SHROOM3: variants seen among roughly 807,000 people sequenced by gnomAD.
The protein encoded by SHROOM3 is shroom family member 3, also known as protein Shroom3.
Under a neutral mutation model 138.6 loss-of-function variants are expected in SHROOM3, and 47 were observed. The observed-to-expected ratio is 0.34, with a 90% CI of 0.27 to 0.43. The LOEUF (loss-of-function observed/expected upper bound fraction) is 0.43, where lower values mean the gene tolerates loss of function less well. SHROOM3 is among the 20% of genes least tolerant of loss of function. SHROOM3 has a pLI of 1.00. For missense variants in SHROOM3, 2,491 were observed against 2,596.5 expected (o/e 0.96, Z 0.88); for synonymous variants, 1,062 against 1,063.3 (o/e 1.00, Z 0.02).
At chr4:76,593,895 T>C (rs2110050585) in intron 2 of SHROOM3, among the ~76,000 whole-genome samples, 1 of 152,294 alleles carries the variant, frequency 6.6e-6, no homozygotes, top group African/African-American at 2.4e-5. Context: ...TGTGTTCCTG[T>C]TTGCAGTTTC....
intron 2 of SHROOM3, among the ~76,000 whole-genome samples, chr4:76,634,646 T>C (rs1453531437): frequency 6.6e-6 from 1 of 152,200 alleles, no homozygotes; most frequent in African/African-American, 2.4e-5. Flanking sequence ...TCATCAGTAG[T>C]GTTGCAAAAA....
intron 2 of SHROOM3, among the ~76,000 whole-genome samples, chr4:76,683,062 T>A (rs1190412841): frequency 3.9e-5 from 6 of 152,214 alleles, no homozygotes; most frequent in Non-Finnish European, 7.3e-5. Flanking sequence ...GCCCTTGTTT[T>A]ACCACATTAC....
At chr4:76,763,384 C>T (rs1254154491) in intron 9 of SHROOM3, among the ~76,000 whole-genome samples, 1 of 150,314 alleles carries the variant, frequency 6.7e-6, no homozygotes, top group East Asian at 1.9e-4. Flanking sequence ...GAGACTCCAT[C>T]TCAAAAAAAA....
At chr4:76,493,836 G>A (rs1445878150) in intron 1 of SHROOM3, among the ~76,000 whole-genome samples, 4 of 152,054 alleles carry the variant, frequency 2.6e-5, no homozygotes, top group Non-Finnish European at 4.4e-5. Flanking sequence ...AAAATTAGCC[G>A]GGCATGGTGG....
intron 2 of SHROOM3, among the ~76,000 whole-genome samples, chr4:76,604,505 ATCTAAGTTG>A (rs1446079386): frequency 6.6e-6 from 1 of 152,210 alleles, no homozygotes; most frequent in Non-Finnish European, 1.5e-5. Flanking sequence ...TTAGTGTGGT[ATCTAAGTTG>A]TCTGTGTGTT....
At chr4:76,561,563 CAAA>C (rs1733596103) in intron 2 of SHROOM3, among the ~76,000 whole-genome samples, 1 of 151,250 alleles carries the variant, frequency 6.6e-6, no homozygotes, top group African/African-American at 2.4e-5. Context: ...TACTAGTGGC[CAAA>C]ATAAGAGTCT....
At chr4:76,731,034 A>G (rs1720865501) in intron 4 of SHROOM3, 99 bp downstream of exon 4, 1 of 1,481,000 alleles carries the variant, frequency 6.8e-7, no homozygotes, top group Non-Finnish European at 9.4e-7. Flanking sequence ...GTTTTTTCTT[A>G]TACTCACACT....
rs116825397 is a variant in SHROOM3 at position 76,592,259 on chromosome 4, G to C, written c.323+36496G>C. On this transcript the variant is annotated intron_variant, in intron 2 of 10. Coordinates refer to ENST00000296043, the MANE Select transcript of SHROOM3 (RefSeq NM_020859.4). ...GGAGCAGAATGTGGCGGGGCAGAGA[G>C]ACAGTGGGTCACTGGGAGGCAGTTA... Among the ~76,000 whole-genome samples the C allele has an allele frequency of 7.7e-3, 1,164 of 152,116 alleles. 13 individuals are homozygous for C. Among genetic ancestry groups the C allele is most frequent in the African/African-American group, 0.027 (1,125 of 41,486 alleles).
chr4:76,577,499 T>C (rs780469526), intron 2 of SHROOM3, among the ~76,000 whole-genome samples: 14 of 152,174 alleles, frequency 9.2e-5, no homozygotes, highest in Non-Finnish European at 1.9e-4. Context: ...TATTGGAAGA[T>C]GGTGGGGCTG....
intron 2 of SHROOM3, among the ~76,000 whole-genome samples, chr4:76,576,506 G>A (rs1733943189): frequency 6.6e-6 from 1 of 152,162 alleles, no homozygotes; most frequent in Admixed American, 6.5e-5. Context: ...GCTGGGAAGG[G>A]TAGTAGGAGG....
In SHROOM3 at chr4:76,664,180, T is replaced by C. The variant is rs1040671416; in HGVS notation, c.324-45976T>C. ...GGATCCTCCTGGCTGTCAGCATTCA[T>C]GTAATTTCAAAAAGTATCCCTTTCC... On this transcript the variant is annotated intron_variant, in intron 2 of 10. Coordinates refer to ENST00000296043, the MANE Select transcript of SHROOM3 (RefSeq NM_020859.4). This position sits in a 1 kb window ranked among gnomAD's most constrained non-coding sequence, Gnocchi z 4.2. 3.3e-5 allele frequency among the ~76,000 whole-genome samples: 5 copies of C among 152,232 alleles called. No individual in the cohort carries two copies. Among genetic ancestry groups the C allele is most frequent in the Non-Finnish European group, 7.3e-5 (5 of 68,042 alleles).
At position 76,475,152 on chromosome 4, in the gene SHROOM3, T is replaced by C. The variant is rs117507084; in HGVS notation, c.168+38932T>C. Among the ~76,000 whole-genome samples, 164 of 152,278 alleles carry C rather than the reference T, an allele frequency of 1.1e-3. 3 individuals carry two copies. The East Asian group carries it at 0.027, about 25-fold the overall frequency. On this transcript the variant is annotated intron_variant, in intron 1 of 10. Coordinates refer to ENST00000296043, the MANE Select transcript of SHROOM3 (RefSeq NM_020859.4). ...CATATTAGCCTGGTAAATTGAATTATATGTCGTTTTGTAATAATACAATGT... is the reference window on the plus strand; with the variant it reads ...CATATTAGCCTGGTAAATTGAATTACATGTCGTTTTGTAATAATACAATGT...
intron 1 of SHROOM3, among the ~76,000 whole-genome samples, chr4:76,453,232 C>T (rs187887547): frequency 1.5e-4 from 23 of 152,220 alleles, no homozygotes; most frequent in African/African-American, 5.5e-4. Flanking sequence ...TATACACATC[C>T]TTGCAAACGC....
chr4:76,716,264 G>A, intron 3 of SHROOM3: 1 of 512,720 alleles, frequency 2.0e-6, no homozygotes, highest in Non-Finnish European at 3.9e-6. Flanking sequence ...TCCAACTGGA[G>A]GCACATGTAG....
intron 1 of SHROOM3, among the ~76,000 whole-genome samples, chr4:76,512,513 G>A (rs1398246973): frequency 2.6e-5 from 4 of 152,182 alleles, no homozygotes; most frequent in Admixed American, 6.5e-5. Flanking sequence ...CTTCACTTCC[G>A]CAGGATTCTA....
chr4:76,611,727 C>T (rs1017412285), intron 2 of SHROOM3, among the ~76,000 whole-genome samples: 1 of 152,142 alleles, frequency 6.6e-6, no homozygotes, highest in African/African-American at 2.4e-5. Context: ...GCACGCCATA[C>T]CAGGAACTCT....
intron 2 of SHROOM3, among the ~76,000 whole-genome samples, chr4:76,598,225 A>T (rs1285976944): frequency 6.6e-6 from 1 of 151,756 alleles, no homozygotes; most frequent in Non-Finnish European, 1.5e-5. Flanking sequence ...ACGGGGTTTC[A>T]CCGTGTTAGC....
intron 1 of SHROOM3, among the ~76,000 whole-genome samples, chr4:76,538,698 TATTA>T (rs1004654520): frequency 1.3e-5 from 2 of 152,210 alleles, no homozygotes; most frequent in African/African-American, 2.4e-5. Flanking sequence ...ACTTTTCCTT[TATTA>T]ATTAATTCAT....
At chr4:76,517,885 G>A (rs771877710) in intron 1 of SHROOM3, among the ~76,000 whole-genome samples, 8 of 152,106 alleles carry the variant, frequency 5.3e-5, no homozygotes, top group Non-Finnish European at 7.3e-5. Context: ...ATGACCTCCC[G>A]GTAGCCTCAC....
Sources: gnomAD v4.1 joint callset for allele counts (sites outside exome capture counted in the v4.1 genomes callset) on GRCh38, gnomAD v4.1.1 for gene constraint, Gnocchi (gnomAD v3.1) non-coding constraint, MANE v1.5 for transcripts, NCBI Gene and HGNC (gene_info 2026-07-23, HGNC 2026-07-21) for gene names.